The following SLC30A7 variants were observed in gnomAD, a reference collection of about 807,000 sequenced individuals.
SLC30A7 encodes solute carrier family 30 member 7.
In SLC30A7, 35 loss-of-function variants were observed where a neutral mutation model predicts 46.0. The ratio of observed to expected loss-of-function variants is 0.76; its 90% CI spans 0.58 to 1.01. SLC30A7 has a LOEUF of 1.01. Among genes scored for constraint, SLC30A7 ranks in the 50% least tolerant of loss-of-function variants. SLC30A7 has a pLI of 0.00. For synonymous variants in SLC30A7, 147 were observed against 157.8 expected, an observed-to-expected ratio of 0.93 and a Z score of 0.51; for missense variants, 464 against 451.1, an observed-to-expected ratio of 1.03 and a Z score of -0.26.
chr1:100,989,443 G>A, the SLC30A7 span, among the ~76,000 whole-genome samples: 5 of 152,196 alleles, frequency 3.3e-5, no homozygotes, highest in Non-Finnish European at 7.3e-5. Context: ...AACCAAGACA[G>A]TGAATTCAGA....
the SLC30A7 span, chr1:100,990,704 G>T: frequency 7.3e-7 from 1 of 1,362,360 alleles, no homozygotes. Flanking sequence ...ACAAACATTA[G>T]TACCACAAGT....
chr1:100,992,316 G>A, the SLC30A7 span, among the ~76,000 whole-genome samples: 100 of 152,024 alleles, frequency 6.6e-4, no homozygotes, highest in African/African-American at 2.4e-3. Flanking sequence ...ATTGATTAGG[G>A]ATAACATAAT....
chr1:100,916,445 G>A (rs542277346), intron 6 of SLC30A7, among the ~76,000 whole-genome samples: 60 of 152,102 alleles, frequency 3.9e-4, no homozygotes, highest in African/African-American at 1.4e-3. Flanking sequence ...TTGGCCTCCC[G>A]AACTGCTGAG....
chr1:100,961,826 A>G lies in SLC30A7; in HGVS notation c.843-2A>G. 1 of 1,564,556 alleles carries G rather than the reference A, an allele frequency of 6.4e-7. No homozygotes were observed. Among genetic ancestry groups the G allele is most frequent in the Non-Finnish European group, 8.7e-7 (1 of 1,143,494 alleles). On this transcript the variant is annotated splice_acceptor_variant, in intron 8 of 10. Transcript: ENST00000357650. LOFTEE classifies it high-confidence loss of function. ...ATAAATTGTTGTCTTCCTTTTCCTT[A>G]GTGTTATTCCTCTTTTAAGAGAATC...
At chr1:100,952,260 T>C (rs1434082558) in intron 8 of SLC30A7, among the ~76,000 whole-genome samples, 1 of 152,240 alleles carries the variant, frequency 6.6e-6, no homozygotes, top group Non-Finnish European at 1.5e-5. Flanking sequence ...TGGGTTCAAA[T>C]GCTGTTTTAA....
At chr1:100,908,305 T>C (rs1225398217) in intron 3 of SLC30A7, among the ~76,000 whole-genome samples, 1 of 152,204 alleles carries the variant, frequency 6.6e-6, no homozygotes, top group Admixed American at 6.6e-5. Context: ...AGATATTTAT[T>C]GAGGGTCCAT....
intron 7 of SLC30A7, among the ~76,000 whole-genome samples, chr1:100,919,986 C>A (rs1294772236): frequency 6.6e-6 from 1 of 151,932 alleles, no homozygotes; most frequent in African/African-American, 2.4e-5. Flanking sequence ...AGTTAAACAT[C>A]CTAGTTTATG....
At chr1:100,958,412 A>G (rs910664636) in intron 8 of SLC30A7, among the ~76,000 whole-genome samples, 7 of 152,062 alleles carry the variant, frequency 4.6e-5, no homozygotes, top group South Asian at 4.1e-4. Context: ...CCCTGACCTC[A>G]TGATCCACCC....
chr1:100,913,630 A>G, intron 5 of SLC30A7, 33 bp from the exon 6 acceptor site: 1 of 1,515,450 alleles, frequency 6.6e-7, no homozygotes. Context: ...ATATATTTTT[A>G]CATACCTTCT....
chr1:100,961,692 C>A, intron 8 of SLC30A7, 136 bp from the exon 9 acceptor site: 1 of 456,276 alleles, frequency 2.2e-6, no homozygotes, highest in Non-Finnish European at 3.9e-6. Context: ...AAAACAATGA[C>A]TGGTTGATTG....
chr1:100,909,042 T>C (rs1165444971), intron 3 of SLC30A7, among the ~76,000 whole-genome samples: 4 of 130,132 alleles, frequency 3.1e-5, no homozygotes, highest in Admixed American at 7.4e-5. Flanking sequence ...CTCCTCTCTT[T>C]ATGTGTGTGT....
intron 8 of SLC30A7, among the ~76,000 whole-genome samples, chr1:100,924,399 C>T (rs934173473): frequency 6.6e-6 from 1 of 151,952 alleles, no homozygotes; most frequent in Non-Finnish European, 1.5e-5. Context: ...TCTTTCTTGC[C>T]ACACCCCCCA....
At chr1:100,968,135 GTATT>G (rs1348231646) in intron 10 of SLC30A7, among the ~76,000 whole-genome samples, 1 of 152,056 alleles carries the variant, frequency 6.6e-6, no homozygotes, top group African/African-American at 2.4e-5. Flanking sequence ...GGGTTCACAG[GTATT>G]TATTGTACTA....
intron 8 of SLC30A7, among the ~76,000 whole-genome samples, chr1:100,937,425 C>T (rs545942248): frequency 4.6e-5 from 7 of 152,254 alleles, no homozygotes; most frequent in Non-Finnish European, 1.0e-4. Flanking sequence ...TCTCCACATG[C>T]TTTCCAAAAC....
At chr1:100,933,131 A>T (rs1653761884) in intron 8 of SLC30A7, among the ~76,000 whole-genome samples, 1 of 151,404 alleles carries the variant, frequency 6.6e-6, no homozygotes, top group Admixed American at 6.6e-5. Context: ...GTGCACCATC[A>T]CACCCAGCTA....
rs112211968 is a variant in SLC30A7, at chr1:100,957,488, A to T, written c.843-4340A>T. ...CTTTTTCTTATTGAATGGAAAATATATAAAAGATGAAAGAAATTGCCTGGA... is the reference window on the plus strand; with the variant it reads ...CTTTTTCTTATTGAATGGAAAATATTTAAAAGATGAAAGAAATTGCCTGGA... On this transcript the variant is annotated intron_variant, in intron 8 of 10. Transcript: ENST00000357650. Among the ~76,000 whole-genome samples, 964 of 152,302 alleles carry T rather than the reference A, an allele frequency of 6.3e-3. 15 individuals are homozygous for T. The highest frequency in any genetic ancestry group is 0.02 in the African/African-American group (836 of 41,552).
rs1397619045 is a variant in SLC30A7, at chr1:100,976,030, A to G, written c.*1173A>G. The G allele has an allele frequency of 6.6e-6, 1 of 152,602 alleles. No homozygotes were observed. Among genetic ancestry groups the G allele is most frequent in the Non-Finnish European group, 1.5e-5 (1 of 68,032 alleles). The allele number at this position is 152,602 out of a possible 1,614,324, so 9.5% of individuals were successfully genotyped here. ...TAATTTGCTTTTTAAAACAAATTTA[A>G]TTATCACATTTTAAATTACTTTGTG... On this transcript the variant is annotated 3_prime_UTR_variant, in exon 11 of 11. Transcript: ENST00000357650.
intron 8 of SLC30A7, among the ~76,000 whole-genome samples, chr1:100,947,122 T>G (rs546093144): frequency 1.3e-5 from 2 of 152,318 alleles, no homozygotes; most frequent in South Asian, 4.1e-4. Context: ...TTGCTCTTGG[T>G]TTTCTAGTTA....
the SLC30A7 span, among the ~76,000 whole-genome samples, chr1:100,992,992 TA>T: frequency 5.1e-3 from 783 of 152,338 alleles, 7 homozygotes; most frequent in East Asian, 0.038. Context: ...GATAGATGTC[TA>T]AATGAAAGTT....
Sources: gnomAD v4.1 joint callset for allele counts (sites outside exome capture counted in the v4.1 genomes callset) on GRCh38, gnomAD v4.1.1 for gene constraint, MANE v1.5 for transcripts, NCBI Gene and HGNC (gene_info 2026-07-23, HGNC 2026-07-21) for gene names.